ADGRB3: variants seen among roughly 807,000 people sequenced by gnomAD.
ADGRB3 encodes adhesion G protein-coupled receptor B3, also known as brain-specific angiogenesis inhibitor 3.
In ADGRB3, 37 loss-of-function variants were observed where a neutral mutation model predicts 193.4. That is an observed-to-expected ratio of 0.19 (90% CI 0.15 to 0.25). The LOEUF (loss-of-function observed/expected upper bound fraction) is 0.25. Ranked by LOEUF, ADGRB3 falls within the 10% of genes least tolerant of loss-of-function variation. The probability of loss-of-function intolerance (pLI) is 1.00; values close to 1 mark genes in which losing one functional copy is unlikely to be tolerated. For missense variants in ADGRB3, 1,637 were observed against 1,852.9 expected (o/e 0.88, Z 2.14); for synonymous variants, 690 against 644.2 (o/e 1.07, Z -1.08).
chr6:68,805,974 G>A lies in ADGRB3; in HGVS notation c.758-124585G>A, dbSNP rs569027031. ...ATATACAGTCATTATAGCATTGCCT[G>A]GAGGCATAACATACCATGTGATTGC... is the stretch of plus-strand genomic sequence containing the variant. On this transcript the variant is annotated intron_variant, in intron 3 of 31. Transcript: ENST00000370598. 4.6e-5 allele frequency among the ~76,000 whole-genome samples: 7 copies of A among 152,220 alleles called. No homozygotes were observed. In the South Asian group the frequency reaches 1.2e-3, roughly 27 times the overall value.
chr6:68,990,992 C>CGTG (rs1769221860), intron 10 of ADGRB3, among the ~76,000 whole-genome samples: 1 of 152,026 alleles, frequency 6.6e-6, no homozygotes, highest in Non-Finnish European at 1.5e-5. Flanking sequence ...CTTTCCTCAC[C>CGTG]CTTCATGCAT....
At chr6:69,240,193 C>A (rs62406852) in intron 20 of ADGRB3, among the ~76,000 whole-genome samples, 6,984 of 152,082 alleles carry the variant, frequency 0.046, 224 homozygotes, top group Non-Finnish European at 0.071. Context: ...GTGATTTCCA[C>A]CAAAAGAGCC....
At chr6:69,331,747 A>AGT in intron 23 of ADGRB3, 2 of 985,190 alleles carry the variant, frequency 2.0e-6, no homozygotes, top group Non-Finnish European at 2.4e-6. Context: ...GAAGAAACAC[A>AGT]GTGTGTATAT....
chr6:68,786,105 C>T (rs1190658664), intron 3 of ADGRB3, among the ~76,000 whole-genome samples: 1 of 151,784 alleles, frequency 6.6e-6, no homozygotes, highest in African/African-American at 2.4e-5. Flanking sequence ...CTGTAGGTTG[C>T]CTGTTCACTC....
chr6:68,981,357 A>G (rs1749366465), intron 10 of ADGRB3, among the ~76,000 whole-genome samples: 2 of 151,656 alleles, frequency 1.3e-5, no homozygotes, highest in African/African-American at 4.8e-5. Flanking sequence ...GCAAATAGTA[A>G]TAGCTCATAT....
At chr6:69,364,038 T>C (rs1199426319) in intron 29 of ADGRB3, among the ~76,000 whole-genome samples, 1 of 151,982 alleles carries the variant, frequency 6.6e-6, no homozygotes, top group Non-Finnish European at 1.5e-5. Flanking sequence ...AATAGGACAA[T>C]TTAAGTCTTT....
chr6:68,826,862 G>T (rs1767853538), intron 3 of ADGRB3, among the ~76,000 whole-genome samples: 1 of 152,160 alleles, frequency 6.6e-6, no homozygotes, highest in Non-Finnish European at 1.5e-5. Flanking sequence ...TGCAAGGATA[G>T]ATTTAATATG....
At chr6:68,760,390 T>G (rs1025137423) in intron 3 of ADGRB3, among the ~76,000 whole-genome samples, 1 of 152,196 alleles carries the variant, frequency 6.6e-6, no homozygotes, top group Non-Finnish European at 1.5e-5. Flanking sequence ...TAAAATTCAT[T>G]AAAAACTAAT....
intron 3 of ADGRB3, among the ~76,000 whole-genome samples, chr6:68,681,124 C>T (rs1212084542): frequency 1.3e-5 from 2 of 151,998 alleles, no homozygotes; most frequent in African/African-American, 2.4e-5. Context: ...AGGTGTGTCA[C>T]CTTTTTGAAT....
At chr6:69,135,037 G>T (rs1049722038) in intron 17 of ADGRB3, among the ~76,000 whole-genome samples, 1 of 151,840 alleles carries the variant, frequency 6.6e-6, no homozygotes, top group Non-Finnish European at 1.5e-5. Flanking sequence ...ATTATTTTCT[G>T]AGGGGTATAA....
intron 20 of ADGRB3, among the ~76,000 whole-genome samples, chr6:69,302,585 TA>T (rs1767968963): frequency 6.6e-6 from 1 of 151,904 alleles, no homozygotes; most frequent in South Asian, 2.1e-4. Context: ...CCTCTAGATG[TA>T]AGAGTCATAA....
intron 3 of ADGRB3, among the ~76,000 whole-genome samples, chr6:68,652,465 G>C (rs1262342380): frequency 1.3e-5 from 2 of 152,064 alleles, no homozygotes; most frequent in African/African-American, 2.4e-5. Context: ...ATCAAGACAG[G>C]CACCACATTT....
At chr6:69,239,278 T>C in intron 20 of ADGRB3, 52 bp downstream of exon 20, 1 of 1,222,314 alleles carries the variant, frequency 8.2e-7, no homozygotes, top group Non-Finnish European at 1.2e-6. Flanking sequence ...TTTTGGCATA[T>C]TGTTAGTTAT....
In ADGRB3 at chr6:68,638,729, T is replaced by A. The variant is rs569531243; in HGVS notation, c.54T>A (p.Val18=). The change falls in exon 3 of 32, where the codon GTT becomes GTA. Residue 18 remains valine, a synonymous_variant. Coordinates refer to ENST00000370598, the MANE Select transcript of ADGRB3 (RefSeq NM_001704.3). ...LIYIFSTYLL[V]MFGFNAAQDF... is the part of the protein sequence containing the mutation. The stretch of plus-strand genomic sequence containing the variant: ...ATATATTTTCCACCTATCTCCTGGT[T>A]ATGTTTGGATTTAATGCTGCCCAAG... 1.2e-6 allele frequency: 2 copies of A among 1,614,158 alleles called. No homozygotes were observed. The highest frequency in any genetic ancestry group is 1.3e-5 in the African/African-American group (1 of 75,052).
chr6:69,178,948 C>G (rs1201842979), intron 17 of ADGRB3, among the ~76,000 whole-genome samples: 1 of 152,112 alleles, frequency 6.6e-6, no homozygotes, highest in East Asian at 1.9e-4. Context: ...TATATAGTAT[C>G]TCACGGGTGT....
At chr6:68,701,033 T>C (rs1298039570) in intron 3 of ADGRB3, among the ~76,000 whole-genome samples, 2 of 152,188 alleles carry the variant, frequency 1.3e-5, no homozygotes, top group African/African-American at 4.8e-5. Context: ...TCAAGGAATT[T>C]CATAGAACAC....
At chr6:69,219,730 T>C (rs1308448900) in intron 17 of ADGRB3, among the ~76,000 whole-genome samples, 1 of 151,680 alleles carries the variant, frequency 6.6e-6, no homozygotes, top group Non-Finnish European at 1.5e-5. Flanking sequence ...TACTTCAGTA[T>C]CTATGTGGAT....
At chr6:68,737,857 C>G (rs1403745919) in intron 3 of ADGRB3, among the ~76,000 whole-genome samples, 3 of 152,134 alleles carry the variant, frequency 2.0e-5, no homozygotes, top group East Asian at 1.9e-4. Context: ...AAGAGCACAA[C>G]AAAGTAGCCA....
In ADGRB3 at chr6:69,229,698, C is replaced by T. The variant is rs532699384; in HGVS notation, c.2481-3592C>T. ...GTCACTATGAATTTTTGCTATCAGT[C>T]TTTTTACTAAATAGCTTTTCATTGG... On this transcript the variant is annotated intron_variant, in intron 17 of 31. Coordinates refer to ENST00000370598, the MANE Select transcript of ADGRB3 (RefSeq NM_001704.3). Among the ~76,000 whole-genome samples, 14 of 152,212 alleles carry T rather than the reference C, an allele frequency of 9.2e-5. No individual in the cohort carries two copies. In the South Asian group the frequency reaches 2.7e-3, roughly 29 times the overall value.
Sources: gnomAD v4.1 joint callset for allele counts (sites outside exome capture counted in the v4.1 genomes callset) on GRCh38, gnomAD v4.1.1 for gene constraint, MANE v1.5 for transcripts, NCBI Gene and HGNC (gene_info 2026-07-23, HGNC 2026-07-21) for gene names.